The following HECTD4 variants were observed in gnomAD, a reference collection of about 807,000 sequenced individuals.
HECTD4 encodes the protein HECT domain E3 ubiquitin protein ligase 4, also known as probable E3 ubiquitin-protein ligase HECTD4.
HECTD4 carries 114 observed loss-of-function variants against 471.5 expected under a neutral mutation model. The observed-to-expected ratio is 0.24, with a 90% CI of 0.21 to 0.28. HECTD4 has a LOEUF of 0.28. HECTD4 is among the 10% of genes least tolerant of loss of function. The pLI is 1.00. For synonymous variants in HECTD4, 2,012 were observed against 2,256.0 expected, an observed-to-expected ratio of 0.89 and a Z score of 3.07; for missense variants, 3,866 against 5,651.5, an observed-to-expected ratio of 0.68 and a Z score of 10.13.
intron 1 of HECTD4, among the ~76,000 whole-genome samples, chr12:112,323,988 TCC>T (rs2035661283): frequency 3.0e-5 from 1 of 33,092 alleles, no homozygotes; most frequent in Non-Finnish European, 4.7e-5. Context: ...CTTCCTTCCT[TCC>T]TTCCTTCCTT....
chr12:112,188,717 GCTTCCTGC>G lies in HECTD4; in HGVS notation c.9472+2061_9472+2068del, dbSNP rs1468330463. 1.3e-5 allele frequency among the ~76,000 whole-genome samples: 2 copies of G among 152,238 alleles called. No homozygotes were observed. The highest frequency in any genetic ancestry group is 1.3e-4 in the Admixed American group (2 of 15,288). Reference sequence around the variant, plus strand: ...CAGCACCTACCAAAGAGGGGATCAAGCTTCCTGCTCTCTCAGGACTGACACTGCTTGCG... The same window carrying G: ...CAGCACCTACCAAAGAGGGGATCAAGTCTCTCAGGACTGACACTGCTTGCG... On this transcript the variant is annotated intron_variant, in intron 60 of 75. Coordinates refer to ENST00000682272, the MANE Select transcript of HECTD4 (RefSeq NM_001388303.1). This position sits in a 1 kb window ranked among gnomAD's most constrained non-coding sequence, Gnocchi z 4.2.
intron 7 of HECTD4, among the ~76,000 whole-genome samples, chr12:112,290,439 C>T (rs1045330490): frequency 2.6e-5 from 4 of 151,754 alleles, no homozygotes; most frequent in Non-Finnish European, 4.4e-5. Context: ...GTGAGAAGAT[C>T]GCTTGAGCCT....
intron 70 of HECTD4, among the ~76,000 whole-genome samples, chr12:112,168,323 A>C (rs1168184229): frequency 6.6e-6 from 1 of 152,184 alleles, no homozygotes; most frequent in African/African-American, 2.4e-5. Flanking sequence ...TGAGGGCAGG[A>C]CCACCTGTTT....
intron 47 of HECTD4, 33 bp from the exon 48 acceptor site, chr12:112,216,404 C>T: frequency 3.4e-6 from 5 of 1,455,284 alleles, no homozygotes; most frequent in Non-Finnish European, 2.8e-6. Context: ...AGGTCAAAGA[C>T]AAGAAAGATA....
rs754967140 is a variant in HECTD4, at chr12:112,261,353, T to C, written c.2825A>G (p.Gln942Arg). The C allele has an allele frequency of 1.2e-6, 2 of 1,611,578 alleles. No individual in the cohort carries two copies. Among genetic ancestry groups the C allele is most frequent in the African/African-American group, 1.3e-5 (1 of 74,934 alleles). ...ACTATTTATGAGGGCAGTTGTGACC[T>C]GCTGTAGCATTTCCAACACTTCATC... ...GCDEVLEMLQ[Q>R]VTTALINSDI... Residue 942 changes from glutamine to arginine, a missense_variant, in exon 18 of 76, where the codon CAG becomes CGG. Around this residue, in one of 16 missense-constraint regions of HECTD4, gnomAD observed 525 missense variants for 672.6 expected, o/e 0.78. Coordinates refer to ENST00000682272, the MANE Select transcript of HECTD4 (RefSeq NM_001388303.1).
chr12:112,183,156 T>C lies in HECTD4; in HGVS notation c.10890A>G (p.Thr3630=), dbSNP rs757184287. The C allele has an allele frequency of 3.7e-6, 6 of 1,613,720 alleles. No individual in the cohort carries two copies. The South Asian group carries it at 6.6e-5, about 18-fold the overall frequency. ...CTACAGACACGGTTAGAATCTCTTC[T>C]GTTGACATTTCCATCAATTCATCTT... ...DGEDELMEMS[T]EEILTVSVVN... The change falls in exon 62 of 76, where the codon ACA becomes ACG. Residue 3630 remains threonine (T), a synonymous_variant. Transcript: ENST00000682272.
At position 112,194,824 on chromosome 12, in the gene HECTD4, C is replaced by T; in HGVS notation, c.8749+61G>A. 6.8e-7 allele frequency: 1 copy of T among 1,464,982 alleles called. No individual in the cohort carries two copies. The highest frequency in any genetic ancestry group is 9.4e-7 in the Non-Finnish European group (1 of 1,069,200). The allele number at this position is 1,464,982 out of a possible 1,614,324, so 90.7% of individuals were successfully genotyped here. A position where few individuals can be genotyped will look rare whatever the true frequency, so the allele number is the denominator to read the frequency against. ...CGCCCTCATGCAGGGAATGACTACA[C>T]TGTGCACAGCGCCCGCCTGGTGCTA... On this transcript the variant is annotated intron_variant, in intron 56 of 75. Coordinates refer to ENST00000682272, the MANE Select transcript of HECTD4 (RefSeq NM_001388303.1). This position sits in a 1 kb window ranked among gnomAD's most constrained non-coding sequence, Gnocchi z 4.6.
Position 112,163,419 on chromosome 12 carries a change from G to T in HECTD4, c.12897+123C>A. On this transcript the variant is annotated intron_variant, in intron 74 of 75. Coordinates refer to ENST00000682272, the MANE Select transcript of HECTD4 (RefSeq NM_001388303.1). The surrounding 1 kb of genome is among the most constrained non-coding windows in gnomAD (Gnocchi z 8.2). ...GATGACAATGATGACAATGATACAG[G>T]TCTGTGGCAAGGACAGAGCTGAGAC... is the stretch of plus-strand genomic sequence containing the variant. 1.9e-6 allele frequency: 2 copies of T among 1,034,102 alleles called. No homozygotes were observed. Among genetic ancestry groups the T allele is most frequent in the Non-Finnish European group, 2.8e-6 (2 of 717,676 alleles). 64.1% of individuals were successfully genotyped at this position (1,034,102 alleles called of 1,614,324 possible). A position where few individuals can be genotyped will look rare whatever the true frequency, so the allele number is the denominator to read the frequency against.
At position 112,332,540 on chromosome 12, in the gene HECTD4, C is replaced by CAA. The variant is rs58503491; in HGVS notation, c.178-12800_178-12799dup. On this transcript the variant is annotated intron_variant, in intron 1 of 75. Coordinates refer to ENST00000682272, the MANE Select transcript of HECTD4 (RefSeq NM_001388303.1). ...TGGGTGACAGATTAAGACTCTGTCT[C>CAA]AAAAAAAAAAAAAAAAAAAAAGATT... is the stretch of plus-strand genomic sequence containing the variant. 8.2e-3 allele frequency among the ~76,000 whole-genome samples: 511 copies of CAA among 62,682 alleles called. 11 individuals are homozygous for CAA. Among genetic ancestry groups the CAA allele is most frequent in the African/African-American group, 0.022 (429 of 19,208 alleles). The allele number at this position is 62,682 out of a possible 152,430, so 41.1% of individuals were successfully genotyped here. A position where few individuals can be genotyped will look rare whatever the true frequency, so the allele number is the denominator to read the frequency against.
Position 112,313,086 on chromosome 12 carries a change from C to G in HECTD4, c.847G>C (p.Val283Leu), listed in dbSNP as rs1566108097. The change falls in exon 4 of 76, where the codon GTA (valine) becomes CTA (leucine). Residue 283 changes from valine (V) to leucine (L), a missense_variant. Physicochemically the swap from Val to Leu is conservative, Grantham distance 32. Coordinates refer to ENST00000682272, the MANE Select transcript of HECTD4 (RefSeq NM_001388303.1). ...PSCLLGGKHI[V>L]SWGYEDMLPA... The stretch of plus-strand genomic sequence containing the variant: ...AACATGTCTTCATAACCCCATGATA[C>G]TATGTGTTTGCCCCCAAGCAAACAG... The G allele has an allele frequency of 6.5e-7, 1 of 1,535,788 alleles. No individual in the cohort carries two copies. Among genetic ancestry groups the G allele is most frequent in the East Asian group, 2.4e-5 (1 of 40,910 alleles).
At chr12:112,274,766 A>T in intron 10 of HECTD4, 81 bp downstream of exon 10, 1 of 819,056 alleles carries the variant, frequency 1.2e-6, no homozygotes, top group Non-Finnish European at 2.0e-6. Context: ...CTAGAATGCC[A>T]CAGGGAACTG....
intron 1 of HECTD4, among the ~76,000 whole-genome samples, chr12:112,329,252 TTCTC>T (rs1165156189): frequency 1.3e-5 from 2 of 152,184 alleles, no homozygotes; most frequent in Non-Finnish European, 2.9e-5. Flanking sequence ...CCAAAACAGT[TTCTC>T]TGAGTTTTCA....
chr12:112,311,240 C>T lies in HECTD4; in HGVS notation c.917-1571G>A, dbSNP rs544593192. 2.7e-5 allele frequency among the ~76,000 whole-genome samples: 4 copies of T among 150,152 alleles called. No individual in the cohort carries two copies. In the East Asian group the frequency reaches 5.9e-4, roughly 22 times the overall value. ...TCGCGCCACTGCACTGTAGCCTAGG[C>T]GACAAGAGCGAAGCTCTGTCTCAAA... is the stretch of plus-strand genomic sequence containing the variant. On this transcript the variant is annotated intron_variant, in intron 4 of 75. Transcript: ENST00000682272.
At chr12:112,220,466 A>G (rs1430413993) in intron 44 of HECTD4, among the ~76,000 whole-genome samples, 1 of 152,056 alleles carries the variant, frequency 6.6e-6, no homozygotes. Flanking sequence ...ACTTCATTCG[A>G]GCATCCAGAA....
intron 48 of HECTD4, among the ~76,000 whole-genome samples, chr12:112,215,169 A>T (rs968552899): frequency 5.9e-5 from 9 of 152,062 alleles, no homozygotes; most frequent in African/African-American, 2.2e-4. Flanking sequence ...ACAAACAAAC[A>T]AACAAAAAAC....
chr12:112,239,873 G>T lies in HECTD4; in HGVS notation c.5105+8C>A. 6.2e-7 allele frequency: 1 copy of T among 1,609,086 alleles called. No homozygotes were observed. The highest frequency in any genetic ancestry group is 8.5e-7 in the Non-Finnish European group (1 of 1,176,676). On this transcript the variant is annotated splice_region_variant and intron_variant, in intron 33 of 75. Coordinates refer to ENST00000682272, the MANE Select transcript of HECTD4 (RefSeq NM_001388303.1). The surrounding 1 kb of genome is among the most constrained non-coding windows in gnomAD (Gnocchi z 4.9). ...CTTACATACAACAAAAGGCCTTTCC[G>T]TACTTACCTGGTGTAAGGTATGGTA...
rs890698162 is a variant in HECTD4 at position 112,190,803 on chromosome 12, T to C, written c.9455A>G (p.Gln3152Arg). 10 of 1,584,336 alleles carry C rather than the reference T, an allele frequency of 6.3e-6. No individual in the cohort carries two copies. The African/African-American group carries it at 1.3e-4, about 21-fold the overall frequency. ...AGCCTCACCTAGCAGCTCCACCACC[T>C]GCAGGAGGACGGATGTCGGAATGGT... The part of the protein sequence containing the change: ...PDTIPTSVLL[Q>R]VVELLGNFLW... Residue 3152 changes from glutamine (Q) to arginine (R), a missense_variant, in exon 60 of 76, where the codon CAG (glutamine) becomes CGG (arginine). Coordinates refer to ENST00000682272, the MANE Select transcript of HECTD4 (RefSeq NM_001388303.1).
At chr12:112,229,266 G>T (rs1173399839) in intron 41 of HECTD4, among the ~76,000 whole-genome samples, 1 of 152,184 alleles carries the variant, frequency 6.6e-6, no homozygotes, top group East Asian at 1.9e-4. Flanking sequence ...GACAGAGGTT[G>T]CAGTGAGCTG....
intron 32 of HECTD4, among the ~76,000 whole-genome samples, chr12:112,242,251 G>A (rs944845888): frequency 3.9e-5 from 6 of 152,272 alleles, no homozygotes; most frequent in Non-Finnish European, 2.9e-5. Flanking sequence ...CTATGTGTCC[G>A]TCAGCAGAGG....
Sources: allele counts gnomAD v4.1 joint callset (sites outside exome capture counted in the v4.1 genomes callset), GRCh38; gene constraint gnomAD v4.1.1; regional missense constraint gnomAD v4.1.1; non-coding constraint Gnocchi (gnomAD v3.1); transcripts MANE v1.5; gene names NCBI Gene and HGNC (gene_info 2026-07-23, HGNC 2026-07-21).